SPOCK1: variants seen among roughly 807,000 people sequenced by gnomAD.
The protein encoded by SPOCK1 is testican-1.
A neutral mutation model predicts 55.3 loss-of-function variants in SPOCK1; 23 were observed. That is an observed-to-expected ratio of 0.42 (90% CI 0.30 to 0.59). SPOCK1 has a LOEUF of 0.59. Ranked by LOEUF, SPOCK1 falls within the 20% of genes least tolerant of loss-of-function variation. The pLI, the probability that SPOCK1 is intolerant of heterozygous loss-of-function variation, is 0.22. For missense variants in SPOCK1, 499 were observed against 552.5 expected, an observed-to-expected ratio of 0.90 and a Z score of 0.97; for synonymous variants, 226 against 221.0, an observed-to-expected ratio of 1.02 and a Z score of -0.20.
At chr5:137,443,651 C>G (rs1753063186) in intron 2 of SPOCK1, among the ~76,000 whole-genome samples, 1 of 152,170 alleles carries the variant, frequency 6.6e-6, no homozygotes, top group Admixed American at 6.5e-5. Flanking sequence ...CAAAGCCTGC[C>G]CTTATTCAGC....
At position 137,364,029 on chromosome 5, in the gene SPOCK1, C is replaced by G. The variant is rs549937508; in HGVS notation, c.187-96974G>C. 1.1e-3 allele frequency among the ~76,000 whole-genome samples: 175 copies of G among 152,300 alleles called. 1 individual carries two copies. The highest frequency in any genetic ancestry group is 4.1e-3 in the African/African-American group (169 of 41,572). ...AGCCTGAGATCCCAGGGCCCTGCAC[C>G]TGCCCCAGCCCAGCCCAGCCCTGCT... On this transcript the variant is annotated intron_variant, in intron 2 of 10. Coordinates refer to ENST00000394945, the MANE Select transcript of SPOCK1 (RefSeq NM_004598.4).
At chr5:137,307,482 A>C (rs1395916462) in intron 2 of SPOCK1, among the ~76,000 whole-genome samples, 1 of 152,220 alleles carries the variant, frequency 6.6e-6, no homozygotes, top group African/African-American at 2.4e-5. Flanking sequence ...CACTATGCTG[A>C]AGCTTCTCTT....
chr5:137,176,358 T>C (rs1199827050), intron 3 of SPOCK1, among the ~76,000 whole-genome samples: 1 of 152,132 alleles, frequency 6.6e-6, no homozygotes, highest in Non-Finnish European at 1.5e-5. Context: ...GTGCCATGAG[T>C]TGGCAGATCC....
At chr5:137,245,772 AAAACAAAAAAAAAAC>A (rs1375661844) in intron 3 of SPOCK1, among the ~76,000 whole-genome samples, 1 of 57,830 alleles carries the variant, frequency 1.7e-5, no homozygotes, top group Non-Finnish European at 3.4e-5. Flanking sequence ...AAAACAAAAC[AAAACAAAAAAAAAAC>A]AAAAAAAAAA....
At chr5:137,193,047 T>C (rs1008179461) in intron 3 of SPOCK1, among the ~76,000 whole-genome samples, 1 of 152,180 alleles carries the variant, frequency 6.6e-6, no homozygotes, top group Non-Finnish European at 1.5e-5. Context: ...GCTGTATTAA[T>C]GCTGGTAGGT....
chr5:137,227,979 C>G (rs778566140), intron 3 of SPOCK1, among the ~76,000 whole-genome samples: 3 of 152,366 alleles, frequency 2.0e-5, no homozygotes, highest in Non-Finnish European at 4.4e-5. Flanking sequence ...AATACCCTTT[C>G]TTTAATAAAG....
At chr5:137,366,003 G>C (rs894890145) in intron 2 of SPOCK1, among the ~76,000 whole-genome samples, 1 of 152,154 alleles carries the variant, frequency 6.6e-6, no homozygotes, top group Admixed American at 6.5e-5. Context: ...TGCCCAAAAG[G>C]GTGCAGCAAA....
At chr5:137,329,147 GAACA>G in intron 2 of SPOCK1, among the ~76,000 whole-genome samples, 1 of 152,272 alleles carries the variant, frequency 6.6e-6, no homozygotes, top group African/African-American at 2.4e-5. Context: ...AACGTGAATA[GAACA>G]AAAAGGCTAG....
At chr5:137,289,518 A>G (rs572796596) in intron 2 of SPOCK1, among the ~76,000 whole-genome samples, 1 of 152,328 alleles carries the variant, frequency 6.6e-6, no homozygotes, top group African/African-American at 2.4e-5. Flanking sequence ...ATCATAAAGA[A>G]GCAGCAATTC....
chr5:137,303,811 C>T (rs1437556082), intron 2 of SPOCK1, among the ~76,000 whole-genome samples: 1 of 152,198 alleles, frequency 6.6e-6, no homozygotes, highest in Admixed American at 6.5e-5. Flanking sequence ...ACAGAGAAGG[C>T]GTGTGACGCC....
intron 2 of SPOCK1, chr5:137,313,554 T>C: frequency 1.1e-6 from 1 of 900,686 alleles, no homozygotes. Context: ...CCAGCCTGCC[T>C]CCTACCTCCT....
chr5:137,067,842 G>T lies in SPOCK1; in HGVS notation c.475-13C>A. ...ACTCCAATTTGCACTGCAAAAGAGA[G>T]ACACAACAGGTCTTAAGAATGCAGC... On this transcript the variant is annotated splice_polypyrimidine_tract_variant and intron_variant, in intron 5 of 10. Coordinates refer to ENST00000394945, the MANE Select transcript of SPOCK1 (RefSeq NM_004598.4). 6.2e-7 allele frequency: 1 copy of T among 1,606,214 alleles called. No individual in the cohort carries two copies. Among genetic ancestry groups the T allele is most frequent in the South Asian group, 1.1e-5 (1 of 90,906 alleles).
At chr5:137,416,008 A>C (rs1037457365) in intron 2 of SPOCK1, among the ~76,000 whole-genome samples, 2 of 152,116 alleles carry the variant, frequency 1.3e-5, no homozygotes, top group Admixed American at 6.6e-5. Flanking sequence ...CTCATATCAA[A>C]TTGCTCCAAA....
intron 2 of SPOCK1, among the ~76,000 whole-genome samples, chr5:137,306,535 A>T (rs556863627): frequency 1.3e-5 from 2 of 152,220 alleles, no homozygotes; most frequent in Non-Finnish European, 1.5e-5. Flanking sequence ...AAATTTCCTC[A>T]GCCATGCTAG....
At chr5:137,343,470 G>T (rs376312551) in intron 2 of SPOCK1, among the ~76,000 whole-genome samples, 16 of 152,304 alleles carry the variant, frequency 1.1e-4, no homozygotes, top group African/African-American at 3.8e-4. Flanking sequence ...CCCAAGAAGG[G>T]CAGACGCTTC....
At chr5:137,424,198 C>T (rs7729752) in intron 2 of SPOCK1, among the ~76,000 whole-genome samples, 139,781 of 152,012 alleles carry the variant, frequency 0.92, 65,032 homozygotes, top group East Asian at 1. Flanking sequence ...CTGGGCAACA[C>T]AGCAAAGGCC....
intron 6 of SPOCK1, among the ~76,000 whole-genome samples, chr5:136,994,452 A>C (rs1440401021): frequency 6.6e-6 from 1 of 152,192 alleles, no homozygotes; most frequent in Non-Finnish European, 1.5e-5. Flanking sequence ...TAATATGGTT[A>C]TATAAGTATA....
intron 5 of SPOCK1, among the ~76,000 whole-genome samples, chr5:137,107,727 G>A (rs769056104): frequency 5.9e-5 from 9 of 152,212 alleles, no homozygotes; most frequent in Non-Finnish European, 8.8e-5. Flanking sequence ...TTGGGGGCCC[G>A]GAAGCAGAAG....
At chr5:137,203,524 A>C (rs1282272067) in intron 3 of SPOCK1, among the ~76,000 whole-genome samples, 1 of 152,100 alleles carries the variant, frequency 6.6e-6, no homozygotes, top group Non-Finnish European at 1.5e-5. Context: ...GCTGCTTCTA[A>C]TTACCAATGT....
Sources: gnomAD v4.1 joint callset for allele counts (sites outside exome capture counted in the v4.1 genomes callset) on GRCh38, gnomAD v4.1.1 for gene constraint, MANE v1.5 for transcripts, NCBI Gene and HGNC (gene_info 2026-07-23, HGNC 2026-07-21) for gene names.